Variants in WDR27 observed in about 807,000 individuals in gnomAD.
WDR27 encodes the protein WD repeat domain 27, also known as WD repeat-containing protein 27.
In WDR27, 100 loss-of-function variants were observed where a neutral mutation model predicts 114.4. That is an observed-to-expected ratio of 0.87 (90% CI 0.74 to 1.03). The LOEUF (loss-of-function observed/expected upper bound fraction) is 1.03, where lower values mean the gene tolerates loss of function less well. Ranked by LOEUF, WDR27 falls within the 50% of genes least tolerant of loss-of-function variation. The pLI, the probability that WDR27 is intolerant of heterozygous loss-of-function variation, is 0.00. For missense variants in WDR27, 1,129 were observed against 1,092.9 expected (o/e 1.03, Z -0.47); for synonymous variants, 449 against 423.1 (o/e 1.06, Z -0.75).
At position 169,546,647 on chromosome 6, in the gene WDR27, A is replaced by G. The variant is rs555157428; in HGVS notation, c.2645+25772T>C. 2.5e-3 allele frequency among the ~76,000 whole-genome samples: 379 copies of G among 152,288 alleles called. 3 individuals carry two copies. Among genetic ancestry groups the G allele is most frequent in the African/African-American group, 8.2e-3 (339 of 41,572 alleles). ...TAGGGCACAAATCCCTTCTATCCCCAGACCCTCAAACCCATCATGGAAGGG... is the reference window on the plus strand; with the variant it reads ...TAGGGCACAAATCCCTTCTATCCCCGGACCCTCAAACCCATCATGGAAGGG... On this transcript the variant is annotated intron_variant, in intron 25 of 25. Transcript: ENST00000448612.
intron 25 of WDR27, among the ~76,000 whole-genome samples, chr6:169,507,902 T>C (rs1052296958): frequency 6.6e-6 from 1 of 152,182 alleles, no homozygotes; most frequent in Non-Finnish European, 1.5e-5. Context: ...ACTCTACAGG[T>C]CACAGCAATG....
Position 169,672,377 on chromosome 6 carries a change from T to TA in WDR27, c.208_209insT (p.His70LeufsTer13). ...AGCCATAGCAGTAATTGGCTGATGG[T>TA]GTCCTCGTAGGATTAGAAGCTGGGA... On this transcript the variant is annotated frameshift_variant, in exon 3 of 26. Coordinates refer to ENST00000448612, the MANE Select transcript of WDR27 (RefSeq NM_182552.5). LOFTEE classifies it high-confidence loss of function. 1 of 1,607,904 alleles carries TA rather than the reference T, an allele frequency of 6.2e-7. No individual in the cohort carries two copies. The highest frequency in any genetic ancestry group is 2.2e-5 in the East Asian group (1 of 44,830).
intron 17 of WDR27, 111 bp downstream of exon 17, chr6:169,643,586 G>T: frequency 1.3e-6 from 1 of 796,208 alleles, no homozygotes; most frequent in African/African-American, 1.7e-5. Flanking sequence ...CCATGGCTTT[G>T]GTTTGCTGAT....
At chr6:169,641,375 C>T (rs1819123733) in intron 17 of WDR27, among the ~76,000 whole-genome samples, 1 of 152,222 alleles carries the variant, frequency 6.6e-6, no homozygotes, top group African/African-American at 2.4e-5. Context: ...ACATGGGTGC[C>T]TCTTCCTCTC....
intron 21 of WDR27, among the ~76,000 whole-genome samples, chr6:169,630,548 T>G (rs1816072414): frequency 6.6e-6 from 1 of 152,218 alleles, no homozygotes; most frequent in South Asian, 2.1e-4. Context: ...ATATTAGCTA[T>G]CAATATCTCA....
At chr6:169,512,570 A>C (rs1197289652) in intron 25 of WDR27, among the ~76,000 whole-genome samples, 1 of 152,226 alleles carries the variant, frequency 6.6e-6, no homozygotes, top group Non-Finnish European at 1.5e-5. Context: ...GTTTAGTAAG[A>C]GCTACTGAGA....
intron 25 of WDR27, among the ~76,000 whole-genome samples, chr6:169,482,621 G>T (rs191426047): frequency 6.6e-6 from 1 of 152,048 alleles, no homozygotes; most frequent in East Asian, 1.9e-4. Context: ...TATTAGACAG[G>T]TCATCAAGGC....
intron 25 of WDR27, among the ~76,000 whole-genome samples, chr6:169,475,407 G>C (rs1787008815): frequency 2.6e-5 from 4 of 152,074 alleles, no homozygotes; most frequent in Admixed American, 2.6e-4. Flanking sequence ...ATTTTTAGTA[G>C]AGACGGGTTT....
At chr6:169,595,566 A>C (rs1434780785) in intron 23 of WDR27, among the ~76,000 whole-genome samples, 1 of 152,160 alleles carries the variant, frequency 6.6e-6, no homozygotes, top group African/African-American at 2.4e-5. Context: ...CTTCTTATTC[A>C]ATTAACATCT....
the WDR27 span, among the ~76,000 whole-genome samples, chr6:169,449,419 C>T: frequency 2.0e-5 from 3 of 152,132 alleles, no homozygotes; most frequent in South Asian, 2.1e-4. Flanking sequence ...AATTGTGCAA[C>T]GAGTGGTGTT....
intron 25 of WDR27, among the ~76,000 whole-genome samples, chr6:169,551,304 A>G (rs1235063715): frequency 6.6e-6 from 1 of 152,118 alleles, no homozygotes; most frequent in Non-Finnish European, 1.5e-5. Context: ...AGACACAGAG[A>G]GACCCCACGC....
At chr6:169,689,484 C>T (rs1159603634) in intron 1 of WDR27, among the ~76,000 whole-genome samples, 6 of 152,186 alleles carry the variant, frequency 3.9e-5, no homozygotes, top group African/African-American at 1.2e-4. Flanking sequence ...AATTGGAACC[C>T]GCATCTCCCA....
At chr6:169,495,463 T>A (rs1790278728) in intron 25 of WDR27, among the ~76,000 whole-genome samples, 1 of 150,970 alleles carries the variant, frequency 6.6e-6, no homozygotes, top group Admixed American at 6.6e-5. Flanking sequence ...AAATATAAAA[T>A]AAAGAAGATA....
chr6:169,620,058 T>C (rs78494277), intron 21 of WDR27, among the ~76,000 whole-genome samples: 2,769 of 152,310 alleles, frequency 0.018, 33 homozygotes, highest in Middle Eastern at 0.027. Flanking sequence ...TAAGGTTAAA[T>C]AAAACCCATC....
chr6:169,524,289 T>C (rs1371087294), intron 25 of WDR27, among the ~76,000 whole-genome samples: 3 of 152,092 alleles, frequency 2.0e-5, no homozygotes, highest in East Asian at 3.8e-4. Flanking sequence ...GAAGAGGACA[T>C]TTTAAAATGG....
the WDR27 span, among the ~76,000 whole-genome samples, chr6:169,441,494 G>T: frequency 2.6e-5 from 4 of 152,248 alleles, no homozygotes; most frequent in East Asian, 7.7e-4. Context: ...TCACCAGCCA[G>T]CTGCCAAGTC....
In WDR27 at chr6:169,461,410, C is replaced by T. The variant is rs374867103; in HGVS notation, c.2646-3776G>A. Among the ~76,000 whole-genome samples, 19 of 152,230 alleles carry T rather than the reference C, an allele frequency of 1.2e-4. No homozygotes were observed. The South Asian group carries it at 2.5e-3, about 20-fold the overall frequency. On this transcript the variant is annotated intron_variant, in intron 25 of 25. Transcript: ENST00000448612. ...GATTTAAAAAGATAAACATCATACA[C>T]AGTATCTTCTCTGACCATATAGGAT... is the stretch of plus-strand genomic sequence containing the variant.
At chr6:169,683,182 T>C (rs998708655) in intron 2 of WDR27, among the ~76,000 whole-genome samples, 4 of 152,182 alleles carry the variant, frequency 2.6e-5, no homozygotes, top group African/African-American at 9.6e-5. Context: ...CCTGGAGATA[T>C]AAATATCTAC....
intron 1 of WDR27, among the ~76,000 whole-genome samples, chr6:169,690,159 A>AC (rs1425355865): frequency 7.3e-5 from 11 of 151,254 alleles, no homozygotes; most frequent in African/African-American, 2.4e-4. Flanking sequence ...CAAAGGATCC[A>AC]CCCATTAGGC....
Sources: allele counts gnomAD v4.1 joint callset (sites outside exome capture counted in the v4.1 genomes callset), GRCh38; gene constraint gnomAD v4.1.1; transcripts MANE v1.5; gene names NCBI Gene and HGNC (gene_info 2026-07-23, HGNC 2026-07-21).